RYR3: variants seen among roughly 807,000 people sequenced by gnomAD.
RYR3 encodes ryanodine receptor 3.
In RYR3, 207 loss-of-function variants were observed where a neutral mutation model predicts 584.3. That is an observed-to-expected ratio of 0.35 (90% confidence interval 0.32 to 0.40). RYR3 has a LOEUF of 0.40. Among genes scored for constraint, RYR3 ranks in the 10% least tolerant of loss-of-function variants. The pLI, the probability that RYR3 is intolerant of heterozygous loss-of-function variation, is 1.00. For synonymous variants in RYR3, 2,416 were observed against 2,248.5 expected, an observed-to-expected ratio of 1.07 and a Z score of -2.11; for missense variants, 5,616 against 6,089.2, an observed-to-expected ratio of 0.92 and a Z score of 2.59.
At chr15:33,656,823 A>G (rs2062845854) in intron 32 of RYR3, among the ~76,000 whole-genome samples, 1 of 152,156 alleles carries the variant, frequency 6.6e-6, no homozygotes. Context: ...AAAGCCAACA[A>G]GGGCACGTCC....
intron 1 of RYR3, among the ~76,000 whole-genome samples, chr15:33,339,023 G>A (rs1488986696): frequency 6.6e-6 from 1 of 152,200 alleles, no homozygotes; most frequent in Non-Finnish European, 1.5e-5. Flanking sequence ...GAGTCAGAGG[G>A]CTTCCGAAGA....
intron 63 of RYR3, among the ~76,000 whole-genome samples, chr15:33,772,648 A>T (rs1216852916): frequency 6.6e-6 from 1 of 152,206 alleles, no homozygotes; most frequent in Non-Finnish European, 1.5e-5. Flanking sequence ...CACCATATTT[A>T]GTGCCACCAC....
chr15:33,492,756 C>T (rs2051080970), intron 2 of RYR3, among the ~76,000 whole-genome samples: 1 of 152,128 alleles, frequency 6.6e-6, no homozygotes, highest in African/African-American at 2.4e-5. Context: ...GACAGCCCCA[C>T]CTCTGGCTAC....
At chr15:33,654,221 G>A (rs1286459662) in intron 32 of RYR3, among the ~76,000 whole-genome samples, 5 of 152,110 alleles carry the variant, frequency 3.3e-5, no homozygotes, top group African/African-American at 1.2e-4. Context: ...TAAGGAAAAA[G>A]CGTTTTTACG....
chr15:33,862,169 AGCCT>A (rs1337596554), intron 102 of RYR3, among the ~76,000 whole-genome samples: 1 of 151,858 alleles, frequency 6.6e-6, no homozygotes, highest in African/African-American at 2.4e-5. Flanking sequence ...TCTGCTCCCC[AGCCT>A]AGCTCTTCCC....
At chr15:33,409,627 A>G (rs533375323) in intron 1 of RYR3, among the ~76,000 whole-genome samples, 83 of 152,230 alleles carry the variant, frequency 5.5e-4, no homozygotes, top group South Asian at 1.2e-3. Context: ...TTCCATATCC[A>G]GTATTTTGTC....
At chr15:33,860,772 C>T (rs775262695) in intron 101 of RYR3, 113 bp downstream of exon 101, 31 of 864,170 alleles carry the variant, frequency 3.6e-5, no homozygotes, top group East Asian at 3.5e-4. Context: ...AGCAAGAACG[C>T]AGTTTGTTTT....
chr15:33,436,595 G>A (rs1290564680), intron 1 of RYR3, among the ~76,000 whole-genome samples: 1 of 151,600 alleles, frequency 6.6e-6, no homozygotes, highest in East Asian at 1.9e-4. Context: ...CCGCCTCCCG[G>A]GTTCACACCA....
intron 44 of RYR3, among the ~76,000 whole-genome samples, chr15:33,723,373 T>C (rs2068093594): frequency 6.6e-6 from 1 of 150,626 alleles, no homozygotes; most frequent in African/African-American, 2.5e-5. Context: ...AATAAATAAA[T>C]AAACCAGCTG....
intron 43 of RYR3, among the ~76,000 whole-genome samples, chr15:33,716,726 C>T (rs1045229974): frequency 4.6e-5 from 7 of 152,172 alleles, no homozygotes; most frequent in Non-Finnish European, 8.8e-5. Flanking sequence ...GGGATTCCAA[C>T]GATAGTGATA....
chr15:33,433,252 G>A (rs1306392375), intron 1 of RYR3, among the ~76,000 whole-genome samples: 1 of 152,150 alleles, frequency 6.6e-6, no homozygotes, highest in Admixed American at 6.5e-5. Flanking sequence ...GTCTCCCACA[G>A]GAAAGTCATT....
chr15:33,496,893 G>A (rs546921654), intron 2 of RYR3, among the ~76,000 whole-genome samples: 11 of 151,932 alleles, frequency 7.2e-5, no homozygotes, highest in Non-Finnish European at 1.5e-4. Context: ...ATAAAGTCTC[G>A]TGTACAGTAG....
intron 12 of RYR3, among the ~76,000 whole-genome samples, chr15:33,576,776 G>T (rs531165711): frequency 6.6e-6 from 1 of 151,200 alleles, no homozygotes; most frequent in East Asian, 1.9e-4. Context: ...GGTCAATCAG[G>T]CAAGAGAAAG....
chr15:33,529,529 G>A (rs950988809), intron 3 of RYR3, among the ~76,000 whole-genome samples: 2 of 152,128 alleles, frequency 1.3e-5, no homozygotes, highest in Non-Finnish European at 2.9e-5. Flanking sequence ...GAATAAAATG[G>A]ACTGCATAAG....
chr15:33,827,236 C>T lies in RYR3; in HGVS notation c.11283C>T (p.Thr3761=). 1.9e-6 allele frequency: 3 copies of T among 1,552,480 alleles called. No individual in the cohort carries two copies. The highest frequency in any genetic ancestry group is 2.6e-6 in the Non-Finnish European group (3 of 1,147,530). ...QNFLRTQMGN[T]TTVNVIISTV... The stretch of plus-strand genomic sequence containing the variant: ...TCCTGCGGACTCAGATGGGCAACAC[C>T]ACCACCGTGAATGTCATCATCAGCA... The change falls in exon 85 of 104, where the codon ACC becomes ACT. Residue 3761 remains threonine, a synonymous_variant. Transcript: ENST00000634891.
At chr15:33,778,055 A>C (rs1466707064) in intron 64 of RYR3, among the ~76,000 whole-genome samples, 1 of 152,114 alleles carries the variant, frequency 6.6e-6, no homozygotes, top group Non-Finnish European at 1.5e-5. Flanking sequence ...CTGTAGTCCC[A>C]GCTACTCGGG....
intron 1 of RYR3, among the ~76,000 whole-genome samples, chr15:33,411,370 A>G (rs1226690171): frequency 6.6e-6 from 1 of 152,224 alleles, no homozygotes; most frequent in African/African-American, 2.4e-5. Flanking sequence ...TGCCTTTAAG[A>G]AGTCTGATGA....
In RYR3 at chr15:33,722,863, C is replaced by G; in HGVS notation, c.6768C>G (p.Leu2256=). ...TTAAGATCTCTGAGAACCCAGCGCT[C>G]GACCTCCCCTCTCAAGGATACAAAA... ...GAIKISENPA[L]DLPSQGYKRE... is the part of the protein sequence containing the mutation. Residue 2256 remains leucine, a synonymous_variant, in exon 44 of 104, where the codon CTC becomes CTG. Coordinates refer to ENST00000634891, the MANE Select transcript of RYR3 (RefSeq NM_001036.6). 2 of 1,594,588 alleles carry G rather than the reference C, an allele frequency of 1.3e-6. No individual in the cohort carries two copies. Among genetic ancestry groups the G allele is most frequent in the Non-Finnish European group, 1.7e-6 (2 of 1,172,154 alleles).
chr15:33,749,595 G>A (rs182396218), intron 55 of RYR3, among the ~76,000 whole-genome samples: 3 of 152,076 alleles, frequency 2.0e-5, no homozygotes, highest in East Asian at 3.9e-4. Context: ...ATAGGCTTTC[G>A]GGGGTTCTAG....
Sources: allele counts gnomAD v4.1 joint callset (sites outside exome capture counted in the v4.1 genomes callset), GRCh38; gene constraint gnomAD v4.1.1; transcripts MANE v1.5; gene names NCBI Gene and HGNC (gene_info 2026-07-23, HGNC 2026-07-21).